The following SGCZ variants were observed in gnomAD, a reference collection of about 807,000 sequenced individuals.
SGCZ encodes sarcoglycan zeta.
In SGCZ, 40 loss-of-function variants were observed where a neutral mutation model predicts 41.3. The ratio of observed to expected loss-of-function variants is 0.97; its 90% CI spans 0.75 to 1.26. SGCZ has a LOEUF of 1.26. Ranked by LOEUF, SGCZ falls within the 50% of genes most tolerant of loss-of-function variation. SGCZ has a pLI of 0.00. For missense variants in SGCZ, 552 were observed against 369.8 expected, an observed-to-expected ratio of 1.49 and a Z score of -4.04; for synonymous variants, 206 against 137.5, an observed-to-expected ratio of 1.50 and a Z score of -3.49.
chr8:14,170,745 T>A (rs1475743083), intron 4 of SGCZ, among the ~76,000 whole-genome samples: 2 of 149,784 alleles, frequency 1.3e-5, no homozygotes, highest in Admixed American at 6.6e-5. Context: ...TTTGTAAATA[T>A]TTTTTACACC....
At chr8:14,484,648 T>C (rs1215533168) in intron 2 of SGCZ, among the ~76,000 whole-genome samples, 4 of 152,184 alleles carry the variant, frequency 2.6e-5, no homozygotes, top group African/African-American at 7.2e-5. Context: ...ATTTTTTAGG[T>C]AATTTATTCT....
chr8:14,749,316 C>T (rs891421458), intron 1 of SGCZ, among the ~76,000 whole-genome samples: 2 of 152,008 alleles, frequency 1.3e-5, no homozygotes, highest in Admixed American at 6.6e-5. Context: ...TCCCAGAAAC[C>T]GAATGCTCAA....
chr8:15,054,410 T>C (rs1804628729), intron 1 of SGCZ, among the ~76,000 whole-genome samples: 1 of 152,064 alleles, frequency 6.6e-6, no homozygotes, highest in Admixed American at 6.5e-5. Context: ...GTGCAGATCC[T>C]GGTGTCACCC....
chr8:14,681,969 AATG>A (rs1808462356), intron 1 of SGCZ, among the ~76,000 whole-genome samples: 1 of 152,110 alleles, frequency 6.6e-6, no homozygotes, highest in South Asian at 2.1e-4. Flanking sequence ...CCATAATAAT[AATG>A]ACTTTAATAT....
chr8:14,476,507 T>C (rs2116992225), intron 2 of SGCZ, among the ~76,000 whole-genome samples: 1 of 152,220 alleles, frequency 6.6e-6, no homozygotes, highest in South Asian at 2.1e-4. Context: ...TAACAAATTA[T>C]TAGTGAGCTA....
intron 2 of SGCZ, among the ~76,000 whole-genome samples, chr8:14,341,781 T>G (rs1802717495): frequency 6.6e-6 from 1 of 152,292 alleles, no homozygotes; most frequent in African/African-American, 2.4e-5. Flanking sequence ...CACTTTTGCA[T>G]CTTCCTCATT....
intron 1 of SGCZ, among the ~76,000 whole-genome samples, chr8:14,747,905 TA>T: frequency 6.6e-6 from 1 of 150,768 alleles, no homozygotes. Flanking sequence ...TTTGTATTTT[TA>T]GTAGGAACAG....
At chr8:14,823,058 A>AAAAAAAAAAAAAAG (rs1802168381) in intron 1 of SGCZ, among the ~76,000 whole-genome samples, 1 of 125,922 alleles carries the variant, frequency 7.9e-6, no homozygotes, top group Non-Finnish European at 1.6e-5. Context: ...ATCCTCATAA[A>AAAAAAAAAAAAAAG]AAAAAAAAAA....
At chr8:14,492,140 T>A (rs1801859401) in intron 2 of SGCZ, among the ~76,000 whole-genome samples, 1 of 152,220 alleles carries the variant, frequency 6.6e-6, no homozygotes. Context: ...TGTGTTAAAA[T>A]GTTTATTTTA....
intron 1 of SGCZ, among the ~76,000 whole-genome samples, chr8:15,179,442 C>G (rs553313472): frequency 9.2e-5 from 14 of 152,260 alleles, no homozygotes; most frequent in African/African-American, 3.4e-4. Context: ...GATGTATCAT[C>G]AACAACCACT....
intron 2 of SGCZ, among the ~76,000 whole-genome samples, chr8:14,449,277 A>G (rs1271573974): frequency 6.6e-6 from 1 of 152,202 alleles, no homozygotes; most frequent in African/African-American, 2.4e-5. Context: ...TTGGGTTCAC[A>G]TTGGCCTGGA....
At chr8:14,213,244 A>G (rs1185784666) in intron 4 of SGCZ, among the ~76,000 whole-genome samples, 1 of 152,184 alleles carries the variant, frequency 6.6e-6, no homozygotes, top group East Asian at 1.9e-4. Context: ...TGCAGAAGAC[A>G]CATACCTAAA....
chr8:14,945,374 G>T (rs910871867), intron 1 of SGCZ, among the ~76,000 whole-genome samples: 14 of 152,070 alleles, frequency 9.2e-5, no homozygotes, highest in African/African-American at 3.1e-4. Context: ...GAGATCTATG[G>T]TAGATACTCA....
chr8:14,901,595 T>G (rs567230431), intron 1 of SGCZ, among the ~76,000 whole-genome samples: 74 of 152,194 alleles, frequency 4.9e-4, no homozygotes, highest in African/African-American at 1.7e-3. Flanking sequence ...TTCACACATT[T>G]TGGGGTGAAA....
chr8:15,027,414 A>G (rs1348697526), intron 1 of SGCZ, among the ~76,000 whole-genome samples: 3 of 151,978 alleles, frequency 2.0e-5, no homozygotes, highest in Admixed American at 6.6e-5. Context: ...AAAAGAAATA[A>G]TTTGTGAGAA....
At chr8:14,450,442 T>C (rs1159551286) in intron 2 of SGCZ, among the ~76,000 whole-genome samples, 4 of 152,186 alleles carry the variant, frequency 2.6e-5, no homozygotes, top group South Asian at 2.1e-4. Context: ...ATGAGCAGTA[T>C]TGAATTAACT....
intron 1 of SGCZ, among the ~76,000 whole-genome samples, chr8:14,958,341 G>A (rs565643338): frequency 6.6e-6 from 1 of 152,102 alleles, no homozygotes; most frequent in East Asian, 1.9e-4. Flanking sequence ...AGAAACAAAT[G>A]AAATGTTGGT....
At chr8:15,082,840 TCTAAAAATGACCTTA>T (rs1267263100) in intron 1 of SGCZ, among the ~76,000 whole-genome samples, 1 of 152,192 alleles carries the variant, frequency 6.6e-6, no homozygotes, top group African/African-American at 2.4e-5. Context: ...TCCTGTCATA[TCTAAAAATGACCTTA>T]CTTTGAAAGG....
chr8:15,108,598 A>C (rs1185593315), intron 1 of SGCZ, among the ~76,000 whole-genome samples: 1 of 152,194 alleles, frequency 6.6e-6, no homozygotes, highest in Non-Finnish European at 1.5e-5. Flanking sequence ...GAGTTTTTAG[A>C]AAGTACATAG....
Sources: gnomAD v4.1 joint callset for allele counts (sites outside exome capture counted in the v4.1 genomes callset) on GRCh38, gnomAD v4.1.1 for gene constraint, MANE v1.5 for transcripts, NCBI Gene and HGNC (gene_info 2026-07-23, HGNC 2026-07-21) for gene names.